The following PSD2 variants were observed in gnomAD, a reference collection of about 807,000 sequenced individuals.
PSD2 encodes pleckstrin and Sec7 domain containing 2, also known as PH and SEC7 domain-containing protein 2.
PSD2 carries 38 observed loss-of-function variants against 69.8 expected under a neutral mutation model. The ratio of observed to expected loss-of-function variants is 0.54; its 90% CI spans 0.42 to 0.71. The LOEUF is 0.71. Ranked by LOEUF, PSD2 falls within the 30% of genes least tolerant of loss-of-function variation. PSD2 has a pLI of 0.00. For synonymous variants in PSD2, 412 were observed against 423.0 expected, an observed-to-expected ratio of 0.97 and a Z score of 0.32; for missense variants, 943 against 1,014.5, an observed-to-expected ratio of 0.93 and a Z score of 0.96.
chr5:139,836,736 C>T, intron 9 of PSD2, 75 bp from the exon 10 acceptor site: 1 of 1,348,568 alleles, frequency 7.4e-7, no homozygotes, highest in African/African-American at 1.4e-5. Context: ...GGAGAGGAGG[C>T]TGGTGGGGAA....
chr5:139,787,013 C>T, the PSD2 span, among the ~76,000 whole-genome samples: 1 of 152,166 alleles, frequency 6.6e-6, no homozygotes, highest in Non-Finnish European at 1.5e-5. Context: ...TACAGTACAC[C>T]TCCACGAGCA....
At position 139,836,891 on chromosome 5, in the gene PSD2, T is replaced by C; in HGVS notation, c.1484T>C (p.Ile495Thr). Reference sequence around the variant, plus strand: ...ACAGGCACGAAGAAGGTGACGCGAATCCTGGATGGTGGCAACCCCTTCCTG... The same window carrying C: ...ACAGGCACGAAGAAGGTGACGCGAACCCTGGATGGTGGCAACCCCTTCCTG... ...FGTGTKKVTR[I>T]LDGGNPFLDV... Residue 495 changes from isoleucine (I) to threonine (T), a missense_variant, in exon 10 of 15, where the codon ATC becomes ACC. Ile to Thr is a moderately conservative substitution (Grantham distance 89, BLOSUM62 -1). Transcript: ENST00000274710. 3 of 1,614,146 alleles carry C rather than the reference T, an allele frequency of 1.9e-6. No homozygotes were observed. The highest frequency in any genetic ancestry group is 2.5e-6 in the Non-Finnish European group (3 of 1,180,008).
At chr5:139,803,756 G>C (rs898813791) in intron 1 of PSD2, among the ~76,000 whole-genome samples, 3 of 152,202 alleles carry the variant, frequency 2.0e-5, no homozygotes, top group African/African-American at 7.2e-5. Flanking sequence ...AATCCGGGAA[G>C]TTCCCTAGGC....
the PSD2 span, among the ~76,000 whole-genome samples, chr5:139,784,911 C>T: frequency 7.2e-5 from 11 of 152,028 alleles, no homozygotes; most frequent in East Asian, 1.6e-3. Context: ...TGCACCACCA[C>T]GCCTGGCTAA....
At chr5:139,777,933 GC>G in the PSD2 span, among the ~76,000 whole-genome samples, 2 of 152,136 alleles carry the variant, frequency 1.3e-5, no homozygotes, top group Non-Finnish European at 2.9e-5. Flanking sequence ...CTGAAGCATT[GC>G]CCTCCAGACA....
rs1209285327 is a variant in PSD2 at position 139,809,662 on chromosome 5, C to T, written c.222C>T (p.Gly74=). The change falls in exon 2 of 15, where the codon GGC becomes GGT. Residue 74 remains glycine, a synonymous_variant. Coordinates refer to ENST00000274710, the MANE Select transcript of PSD2 (RefSeq NM_032289.4). ...PDVAFHGLSL[G]LSLTNGLALG... The stretch of plus-strand genomic sequence containing the variant: ...TGGCCTTCCATGGCCTCAGCCTTGG[C>T]CTCTCTCTCACCAATGGCCTAGCCC... 2 of 1,614,260 alleles carry T rather than the reference C, an allele frequency of 1.2e-6. No homozygotes were observed. Among genetic ancestry groups the T allele is most frequent in the South Asian group, 1.1e-5 (1 of 91,088 alleles).
chr5:139,826,458 G>C (rs907392357), intron 7 of PSD2, among the ~76,000 whole-genome samples: 7 of 152,148 alleles, frequency 4.6e-5, no homozygotes, highest in Non-Finnish European at 1.0e-4. Context: ...GTGTGAGTGG[G>C]GAATGTTGAC....
intron 5 of PSD2, among the ~76,000 whole-genome samples, chr5:139,819,551 C>G (rs1023803747): frequency 1.3e-5 from 2 of 152,188 alleles, no homozygotes; most frequent in African/African-American, 4.8e-5. Flanking sequence ...CCTCTTGAAG[C>G]CACCCAATGC....
At chr5:139,832,413 T>G (rs1760618060) in intron 7 of PSD2, among the ~76,000 whole-genome samples, 1 of 152,256 alleles carries the variant, frequency 6.6e-6, no homozygotes, top group African/African-American at 2.4e-5. Context: ...AGTTCTTGCT[T>G]GTCAGCTACT....
the PSD2 span, among the ~76,000 whole-genome samples, chr5:139,777,257 T>C: frequency 2.0e-5 from 3 of 152,172 alleles, no homozygotes; most frequent in Non-Finnish European, 4.4e-5. Flanking sequence ...CACAAAAAAA[T>C]ATGTGTTTGT....
At chr5:139,758,284 G>A in the PSD2 span, among the ~76,000 whole-genome samples, 1 of 152,144 alleles carries the variant, frequency 6.6e-6, no homozygotes, top group African/African-American at 2.4e-5. Flanking sequence ...CAAGTGAGCT[G>A]GATACAGCAG....
Position 139,839,977 on chromosome 5 carries a change from C to A in PSD2, c.1969-50C>A. 6.2e-7 allele frequency: 1 copy of A among 1,605,098 alleles called. No individual in the cohort carries two copies. Among genetic ancestry groups the A allele is most frequent in the South Asian group, 1.1e-5 (1 of 89,908 alleles). ...CTGGTAGAACAGGATTTGAGCCACT[C>A]CGTGACATCCTGAGAGTAAGGCCTC... is the stretch of plus-strand genomic sequence containing the variant. On this transcript the variant is annotated intron_variant, in intron 13 of 14. Coordinates refer to ENST00000274710, the MANE Select transcript of PSD2 (RefSeq NM_032289.4). The surrounding 1 kb of genome is among the most constrained non-coding windows in gnomAD (Gnocchi z 5.1).
At chr5:139,788,637 C>G in the PSD2 span, among the ~76,000 whole-genome samples, 1 of 152,342 alleles carries the variant, frequency 6.6e-6, no homozygotes, top group South Asian at 2.1e-4. Context: ...TCCCGGGACT[C>G]TCCTGGACAG....
Position 139,836,796 on chromosome 5 carries a change from C to A in PSD2, c.1404-15C>A. ...GCCTCCCTGGAGGTGGTGCTCAGGC[C>A]TAGTACTTCCCTAGTGATGAGGATG... On this transcript the variant is annotated splice_polypyrimidine_tract_variant and intron_variant, in intron 9 of 14. Coordinates refer to ENST00000274710, the MANE Select transcript of PSD2 (RefSeq NM_032289.4). 1 of 1,612,472 alleles carries A rather than the reference C, an allele frequency of 6.2e-7. No individual in the cohort carries two copies. Among genetic ancestry groups the A allele is most frequent in the South Asian group, 1.1e-5 (1 of 90,922 alleles).
chr5:139,760,663 G>A, the PSD2 span, among the ~76,000 whole-genome samples: 5 of 152,146 alleles, frequency 3.3e-5, no homozygotes, highest in Non-Finnish European at 7.3e-5. Flanking sequence ...CTTCTTCCAG[G>A]CAGGCTCCTG....
rs1387771319 is a variant in PSD2 at position 139,837,941 on chromosome 5, G to A, written c.1823+159G>A. Among the ~76,000 whole-genome samples the A allele has an allele frequency of 2.6e-5, 4 of 152,188 alleles. No homozygotes were observed. Among genetic ancestry groups the A allele is most frequent in the Admixed American group, 6.5e-5 (1 of 15,282 alleles). ...CCTCCAAAGCAGTGGTTCCCAATGT[G>A]TGGTTCCCCTCAGCATCATTTGCAG... On this transcript the variant is annotated intron_variant, in intron 12 of 14. Transcript: ENST00000274710. The surrounding 1 kb of genome is among the most constrained non-coding windows in gnomAD (Gnocchi z 5.0).
At chr5:139,787,748 G>A in the PSD2 span, among the ~76,000 whole-genome samples, 20 of 152,342 alleles carry the variant, frequency 1.3e-4, no homozygotes, top group Middle Eastern at 0.01. Context: ...CCCGCTGCAC[G>A]GGGACCCGTG....
At chr5:139,818,574 C>T (rs1760182551) in intron 5 of PSD2, among the ~76,000 whole-genome samples, 1 of 152,118 alleles carries the variant, frequency 6.6e-6, no homozygotes, top group African/African-American at 2.4e-5. Flanking sequence ...ACAAAAACCA[C>T]ATACAAAAAA....
At chr5:139,762,112 G>C in the PSD2 span, among the ~76,000 whole-genome samples, 1 of 144,014 alleles carries the variant, frequency 6.9e-6, no homozygotes, top group Non-Finnish European at 1.5e-5. Context: ...GCGTAATCTC[G>C]GCTCACTGTA....
Sources: allele counts gnomAD v4.1 joint callset (sites outside exome capture counted in the v4.1 genomes callset), GRCh38; gene constraint gnomAD v4.1.1; non-coding constraint Gnocchi (gnomAD v3.1); transcripts MANE v1.5; gene names NCBI Gene and HGNC (gene_info 2026-07-23, HGNC 2026-07-21).